BCAS3: variants seen among roughly 807,000 people sequenced by gnomAD.
BCAS3 encodes the protein BCAS3 microtubule associated cell migration factor.
Under a neutral mutation model 116.1 loss-of-function variants are expected in BCAS3, and 53 were observed. The ratio of observed to expected loss-of-function variants is 0.46; its 90% confidence interval spans 0.37 to 0.57. The LOEUF (loss-of-function observed/expected upper bound fraction) is 0.57, where lower values mean the gene tolerates loss of function less well. Ranked by LOEUF, BCAS3 falls within the 20% of genes least tolerant of loss-of-function variation. BCAS3 has a pLI of 0.00. For missense variants in BCAS3, 917 were observed against 1,165.4 expected, an observed-to-expected ratio of 0.79 and a Z score of 3.10; for synonymous variants, 391 against 408.2, an observed-to-expected ratio of 0.96 and a Z score of 0.51.
rs73993708 is a variant in BCAS3, at chr17:61,171,140, G to A, written c.2425+86576G>A. On this transcript the variant is annotated intron_variant, in intron 22 of 23. Coordinates refer to ENST00000407086, the MANE Select transcript of BCAS3 (RefSeq NM_017679.5). This position sits in a 1 kb window ranked among gnomAD's most constrained non-coding sequence, Gnocchi z 4.1. ...ACCCACGGCACCTCCTAATTAAGTC[G>A]CTTATAATCAGTGATAAAGAGAAAA... 2.8e-3 allele frequency among the ~76,000 whole-genome samples: 431 copies of A among 152,202 alleles called. 4 individuals are homozygous for A. The highest frequency in any genetic ancestry group is 9.8e-3 in the African/African-American group (407 of 41,518).
At chr17:61,223,671 T>C (rs1262240731) in intron 22 of BCAS3, among the ~76,000 whole-genome samples, 1 of 152,194 alleles carries the variant, frequency 6.6e-6, no homozygotes, top group Non-Finnish European at 1.5e-5. Flanking sequence ...TAGAAAGATA[T>C]CAAGGTTCTT....
intron 7 of BCAS3, among the ~76,000 whole-genome samples, chr17:60,814,459 G>A: frequency 6.6e-6 from 1 of 151,844 alleles, no homozygotes; most frequent in Non-Finnish European, 1.5e-5. Context: ...AAGCCTTTTG[G>A]TGGAGTCTTT....
intron 5 of BCAS3, among the ~76,000 whole-genome samples, chr17:60,712,181 CA>C (rs1367037717): frequency 6.8e-6 from 1 of 147,214 alleles, no homozygotes; most frequent in Non-Finnish European, 1.5e-5. Context: ...AAAACAAAAA[CA>C]AAAACACATA....
At chr17:60,957,398 A>G (rs766402267) in intron 14 of BCAS3, among the ~76,000 whole-genome samples, 1 of 152,140 alleles carries the variant, frequency 6.6e-6, no homozygotes, top group Non-Finnish European at 1.5e-5. Context: ...TTTCCTAGTT[A>G]TGGTTTTACT....
At chr17:60,761,025 A>G (rs1486233931) in intron 6 of BCAS3, among the ~76,000 whole-genome samples, 3 of 151,830 alleles carry the variant, frequency 2.0e-5, no homozygotes, top group Non-Finnish European at 2.9e-5. Flanking sequence ...TTTGCATTTT[A>G]TTCATATAAT....
intron 13 of BCAS3, among the ~76,000 whole-genome samples, chr17:60,926,877 T>A (rs1406060628): frequency 6.6e-6 from 1 of 152,256 alleles, no homozygotes; most frequent in African/African-American, 2.4e-5. Context: ...CTTTGTCCTC[T>A]CACATTTGTG....
At chr17:60,894,264 T>C (rs1013667357) in intron 10 of BCAS3, among the ~76,000 whole-genome samples, 2 of 152,114 alleles carry the variant, frequency 1.3e-5, no homozygotes, top group Non-Finnish European at 2.9e-5. Flanking sequence ...CATCAGTGTT[T>C]TGTAGTTTTT....
chr17:61,240,738 C>T (rs1176373315), intron 22 of BCAS3, among the ~76,000 whole-genome samples: 2 of 152,180 alleles, frequency 1.3e-5, no homozygotes, highest in African/African-American at 2.4e-5. Context: ...AAGTTTAAAA[C>T]AGATTTTATG....
In BCAS3 at chr17:61,249,116, T is replaced by C. The variant is rs912827929; in HGVS notation, c.2426-119211T>C. 7.2e-5 allele frequency among the ~76,000 whole-genome samples: 11 copies of C among 151,956 alleles called. No individual in the cohort carries two copies. The highest frequency in any genetic ancestry group is 2.7e-4 in the African/African-American group (11 of 41,370). On this transcript the variant is annotated intron_variant, in intron 22 of 23. Transcript: ENST00000407086. The surrounding 1 kb of genome is among the most constrained non-coding windows in gnomAD (Gnocchi z 6.2). ...GCCTGGCCAACATGGTGAAACCCCA[T>C]CTCTACTAAAAATACAAAAAATTAG... is the stretch of plus-strand genomic sequence containing the variant.
rs763390916 is a variant in BCAS3 at position 60,679,436 on chromosome 17, G to GTTTT, written c.-5-14_-5-13insTTTT. The GTTTT allele has an allele frequency of 6.3e-7, 1 of 1,586,670 alleles. No individual in the cohort carries two copies. The highest frequency in any genetic ancestry group is 1.1e-5 in the South Asian group (1 of 89,670). ...ATGTTTTTCTGTTTTTTGTTTGTTT[G>GTTTT]TTTGTTCTGGAAACAGGTTTTATGA... On this transcript the variant is annotated splice_polypyrimidine_tract_variant and intron_variant, in intron 1 of 23. Transcript: ENST00000407086.
intron 7 of BCAS3, among the ~76,000 whole-genome samples, chr17:60,846,725 C>A (rs527796116): frequency 6.6e-6 from 1 of 152,224 alleles, no homozygotes; most frequent in Non-Finnish European, 1.5e-5. Flanking sequence ...CCAAGGTCTA[C>A]TTTATCTGAT....
At chr17:60,912,958 A>G (rs1175019543) in intron 12 of BCAS3, among the ~76,000 whole-genome samples, 1 of 152,094 alleles carries the variant, frequency 6.6e-6, no homozygotes, top group African/African-American at 2.4e-5. Context: ...TAATTCACGT[A>G]TTTATTTTGT....
At chr17:61,057,157 C>T (rs951684901) in intron 19 of BCAS3, among the ~76,000 whole-genome samples, 7 of 152,188 alleles carry the variant, frequency 4.6e-5, no homozygotes, top group African/African-American at 1.7e-4. Flanking sequence ...CCTGTGCTTA[C>T]TTACCATCTT....
At chr17:61,148,067 C>T (rs982713901) in intron 22 of BCAS3, among the ~76,000 whole-genome samples, 4 of 151,878 alleles carry the variant, frequency 2.6e-5, no homozygotes, top group African/African-American at 7.2e-5. Context: ...TGCTAAATTC[C>T]ACAAGGAACA....
intron 13 of BCAS3, among the ~76,000 whole-genome samples, chr17:60,944,088 AG>A (rs2060359274): frequency 6.6e-6 from 1 of 152,068 alleles, no homozygotes; most frequent in Non-Finnish European, 1.5e-5. Context: ...AAAAAGGAAG[AG>A]CAAATGAACC....
At chr17:60,693,860 A>T (rs1350317611) in intron 4 of BCAS3, among the ~76,000 whole-genome samples, 1 of 148,652 alleles carries the variant, frequency 6.7e-6, no homozygotes, top group Non-Finnish European at 1.5e-5. Flanking sequence ...CATAAAATTT[A>T]CCATTTTAAC....
At chr17:60,825,888 C>T (rs1167027519) in intron 7 of BCAS3, among the ~76,000 whole-genome samples, 6 of 141,756 alleles carry the variant, frequency 4.2e-5, no homozygotes, top group Admixed American at 2.1e-4. Context: ...GACGAAGTCT[C>T]GCACCGTCAC....
rs182431439 is a variant in BCAS3 at position 60,952,819 on chromosome 17, A to C, written c.1221+5467A>C. Among the ~76,000 whole-genome samples, 64 of 152,026 alleles carry C rather than the reference A, an allele frequency of 4.2e-4. 1 individual carries two copies. The East Asian group carries it at 8.9e-3, about 21-fold the overall frequency. On this transcript the variant is annotated intron_variant, in intron 14 of 23. Transcript: ENST00000407086. ...CAGTGTCTGTTCCCTCTATGTGTCC[A>C]TGTGTTCTCATCATTTAGCTTCTAC...
intron 13 of BCAS3, among the ~76,000 whole-genome samples, chr17:60,927,440 A>G (rs896592322): frequency 1.3e-5 from 2 of 152,050 alleles, no homozygotes; most frequent in Admixed American, 6.6e-5. Flanking sequence ...TATTTTTAGT[A>G]GAGACGGGGT....
Sources: allele counts gnomAD v4.1 joint callset (sites outside exome capture counted in the v4.1 genomes callset), GRCh38; gene constraint gnomAD v4.1.1; non-coding constraint Gnocchi (gnomAD v3.1); transcripts MANE v1.5; gene names NCBI Gene and HGNC (gene_info 2026-07-23, HGNC 2026-07-21).